TBL1XR1: variants seen among roughly 807,000 people sequenced by gnomAD.
The protein encoded by TBL1XR1 is F-box-like/WD repeat-containing protein TBL1XR1.
Under a neutral mutation model 66.9 loss-of-function variants are expected in TBL1XR1, and 5 were observed. The observed-to-expected ratio is 0.07, with a 90% CI of 0.04 to 0.16. TBL1XR1 has a LOEUF of 0.16. TBL1XR1 is among the 10% of genes least tolerant of loss of function. The pLI is 1.00. For synonymous variants in TBL1XR1, 210 were observed against 206.0 expected, an observed-to-expected ratio of 1.02 and a Z score of -0.17; for missense variants, 238 against 623.2, an observed-to-expected ratio of 0.38 and a Z score of 6.58.
chr3:177,178,382 T>G (rs1734407033), intron 1 of TBL1XR1, among the ~76,000 whole-genome samples: 1 of 152,028 alleles, frequency 6.6e-6, no homozygotes, highest in African/African-American at 2.4e-5. Flanking sequence ...TAAAACAATA[T>G]AAGCATTCCC....
At chr3:177,053,716 G>A in intron 4 of TBL1XR1, 57 bp downstream of exon 4, 1 of 1,505,510 alleles carries the variant, frequency 6.6e-7, no homozygotes, top group South Asian at 1.2e-5. Flanking sequence ...CAAGACAGCT[G>A]ACTTAACGGC....
intron 1 of TBL1XR1, among the ~76,000 whole-genome samples, chr3:177,137,617 A>G (rs1289656987): frequency 6.6e-6 from 1 of 152,248 alleles, no homozygotes; most frequent in Non-Finnish European, 1.5e-5. Context: ...AGACAAATGT[A>G]TCTACTGCTC....
rs532472997 is a variant in TBL1XR1, at chr3:177,114,299, TATATATG to T, written c.-121-15765_-121-15759del. On this transcript the variant is annotated intron_variant, in intron 1 of 15. Transcript: ENST00000457928. Reference sequence around the variant, plus strand: ...TACACACATCATATATATGGATACATATATATGATATATGATATATATATGATAGGGT... The same window carrying T: ...TACACACATCATATATATGGATACATATATATGATATATATATGATAGGGT... 9.0e-4 allele frequency among the ~76,000 whole-genome samples: 136 copies of T among 151,632 alleles called. 1 individual carries two copies. Among genetic ancestry groups the T allele is most frequent in the African/African-American group, 2.6e-3 (108 of 41,310 alleles).
intron 1 of TBL1XR1, among the ~76,000 whole-genome samples, chr3:177,146,589 C>CAAAAAAAAAAAAAAAAA (rs78065426): frequency 0.035 from 1,817 of 51,818 alleles, 437 homozygotes; most frequent in Non-Finnish European, 0.049. Flanking sequence ...GACTCCATCT[C>CAAAAAAAAAAAAAAAAA]AAAAAAAAAA....
At chr3:177,049,541 A>G (rs1482674956) in intron 7 of TBL1XR1, among the ~76,000 whole-genome samples, 1 of 152,204 alleles carries the variant, frequency 6.6e-6, no homozygotes, top group African/African-American at 2.4e-5. Context: ...AATTGGTAAT[A>G]AAGTTCTACC....
chr3:177,195,282 C>T (rs1486166625), intron 1 of TBL1XR1, among the ~76,000 whole-genome samples: 1 of 151,988 alleles, frequency 6.6e-6, no homozygotes, highest in Admixed American at 6.6e-5. Context: ...TGCTCTCAGG[C>T]ATACTTTCTT....
chr3:177,080,278 T>C (rs1721234519), intron 2 of TBL1XR1, among the ~76,000 whole-genome samples: 1 of 152,190 alleles, frequency 6.6e-6, no homozygotes, highest in Non-Finnish European at 1.5e-5. Flanking sequence ...TAAGCTGAAT[T>C]AGTAATGAGT....
At chr3:177,098,112 G>C (rs1315533604) in intron 2 of TBL1XR1, among the ~76,000 whole-genome samples, 1 of 152,118 alleles carries the variant, frequency 6.6e-6, no homozygotes, top group Non-Finnish European at 1.5e-5. Context: ...GGGTGGCTGA[G>C]GCAGGACAAT....
intron 1 of TBL1XR1, among the ~76,000 whole-genome samples, chr3:177,177,383 G>A (rs970111745): frequency 6.6e-6 from 1 of 152,160 alleles, no homozygotes; most frequent in African/African-American, 2.4e-5. Flanking sequence ...CCAGGAGGCA[G>A]AGGTTGCAGT....
At chr3:177,043,274 T>C (rs1411884669) in intron 10 of TBL1XR1, among the ~76,000 whole-genome samples, 1 of 152,222 alleles carries the variant, frequency 6.6e-6, no homozygotes, top group African/African-American at 2.4e-5. Context: ...CTTCAACAAT[T>C]GGAAGCACAA....
chr3:177,047,617 T>C (rs2108480874), intron 7 of TBL1XR1, 68 bp from the exon 8 acceptor site: 1 of 1,505,082 alleles, frequency 6.6e-7, no homozygotes, highest in East Asian at 2.4e-5. Context: ...TTAAAGTATT[T>C]CATGTTTAAA....
Position 177,047,291 on chromosome 3 carries a change from A to G in TBL1XR1, c.864+9T>C. On this transcript the variant is annotated intron_variant, in intron 9 of 15. Coordinates refer to ENST00000457928, the MANE Select transcript of TBL1XR1 (RefSeq NM_024665.7). ...ACATTTGCCTTTACAGAACTTAATG[A>G]GCTTTTACCTTGTCTACTCCAGCAC... is the stretch of plus-strand genomic sequence containing the variant. 2 of 1,547,800 alleles carry G rather than the reference A, an allele frequency of 1.3e-6. No homozygotes were observed. Among genetic ancestry groups the G allele is most frequent in the Non-Finnish European group, 1.7e-6 (2 of 1,145,972 alleles).
intron 1 of TBL1XR1, among the ~76,000 whole-genome samples, chr3:177,151,893 A>G (rs1413090960): frequency 2.0e-5 from 3 of 152,110 alleles, no homozygotes; most frequent in Non-Finnish European, 4.4e-5. Context: ...GCGTGGTGGC[A>G]GGCACCCGTA....
In TBL1XR1 at chr3:177,047,538, T is replaced by C. The variant is rs750132632; in HGVS notation, c.714A>G (p.Thr238=). The C allele has an allele frequency of 1.1e-5, 17 of 1,612,764 alleles. No individual in the cohort carries two copies. Among genetic ancestry groups the C allele is most frequent in the Middle Eastern group, 1.7e-4 (1 of 5,998 alleles). The change falls in exon 8 of 16, where the codon ACA becomes ACG. Residue 238 remains threonine, a synonymous_variant. Transcript: ENST00000457928. ...CATCATAGGAACCAGTTGCTAGAAG[T>C]GTACCTTCACTCTGCCAGAGAAAAA... ...VTSLDWNSEG[T]LLATGSYDGF... is the part of the protein sequence containing the mutation.
intron 12 of TBL1XR1, among the ~76,000 whole-genome samples, chr3:177,035,941 G>A (rs539993997): frequency 6.6e-6 from 1 of 152,292 alleles, no homozygotes; most frequent in East Asian, 1.9e-4. Flanking sequence ...CACCATTAGA[G>A]GGTAACTGAC....
At chr3:177,075,254 T>C (rs569459355) in intron 2 of TBL1XR1, among the ~76,000 whole-genome samples, 8 of 152,238 alleles carry the variant, frequency 5.3e-5, no homozygotes, top group Non-Finnish European at 1.2e-4. Context: ...CATTTTCACA[T>C]GGCCACCTTG....
chr3:177,040,926 A>G (rs183673570), intron 10 of TBL1XR1: 49 of 152,312 alleles, frequency 3.2e-4, no homozygotes, highest in African/African-American at 8.9e-4. Flanking sequence ...GAAATTTCAA[A>G]TAACTATATT....
At chr3:177,163,070 T>C (rs545882012) in intron 1 of TBL1XR1, among the ~76,000 whole-genome samples, 2 of 152,310 alleles carry the variant, frequency 1.3e-5, no homozygotes, top group Non-Finnish European at 2.9e-5. Flanking sequence ...TATCCTTTTA[T>C]GCATAGGGAA....
intron 13 of TBL1XR1, among the ~76,000 whole-genome samples, chr3:177,033,796 G>A (rs536722951): frequency 6.6e-6 from 1 of 152,258 alleles, no homozygotes; most frequent in East Asian, 1.9e-4. Flanking sequence ...GGATAGAGCT[G>A]GAGGCCATCA....
Sources: allele counts gnomAD v4.1 joint callset (sites outside exome capture counted in the v4.1 genomes callset), GRCh38; gene constraint gnomAD v4.1.1; transcripts MANE v1.5; gene names NCBI Gene and HGNC (gene_info 2026-07-23, HGNC 2026-07-21).